Variants in NXPE2 observed in about 807,000 individuals in gnomAD.
NXPE2 encodes neurexophilin and PC-esterase domain family member 2.
In NXPE2, 34 loss-of-function variants were observed where a neutral mutation model predicts 34.4. The ratio of observed to expected loss-of-function variants is 0.99; its 90% CI spans 0.75 to 1.31. The LOEUF (loss-of-function observed/expected upper bound fraction) is 1.31, where lower values mean the gene tolerates loss of function less well. NXPE2 is among the 40% of genes most tolerant of loss of function. NXPE2 has a pLI of 0.00. For missense variants in NXPE2, 649 were observed against 672.5 expected (o/e 0.97, Z 0.39); for synonymous variants, 235 against 231.3 (o/e 1.02, Z -0.15).
At chr11:114,486,190 T>G in the NXPE2 span, among the ~76,000 whole-genome samples, 2 of 152,208 alleles carry the variant, frequency 1.3e-5, no homozygotes, top group African/African-American at 4.8e-5. Context: ...GCCATTTTAT[T>G]ATAACTGGGG....
chr11:114,583,043 C>A, the NXPE2 span: 1 of 1,585,260 alleles, frequency 6.3e-7, no homozygotes, highest in South Asian at 1.1e-5. Flanking sequence ...GCAAATGTGA[C>A]ATGAGATGGA....
At chr11:114,717,323 G>A in the NXPE2 span, among the ~76,000 whole-genome samples, 1 of 152,176 alleles carries the variant, frequency 6.6e-6, no homozygotes, top group African/African-American at 2.4e-5. Flanking sequence ...GCATCTGCCA[G>A]TTTTTGTTGT....
chr11:114,585,537 G>A, the NXPE2 span, among the ~76,000 whole-genome samples: 1 of 151,864 alleles, frequency 6.6e-6, no homozygotes, highest in Non-Finnish European at 1.5e-5. Flanking sequence ...GAAAAAGAAG[G>A]TCATTATGTA....
the NXPE2 span, among the ~76,000 whole-genome samples, chr11:114,740,598 G>A: frequency 6.6e-6 from 1 of 151,866 alleles, no homozygotes; most frequent in East Asian, 1.9e-4. Flanking sequence ...AATGTATAAG[G>A]GTTTCCATTT....
the NXPE2 span, chr11:114,522,527 T>A: frequency 5.9e-6 from 9 of 1,528,294 alleles, no homozygotes; most frequent in East Asian, 2.0e-4. Context: ...AAATAGATGT[T>A]TTAAATAGAA....
chr11:114,558,334 A>G, the NXPE2 span, among the ~76,000 whole-genome samples: 3 of 152,138 alleles, frequency 2.0e-5, no homozygotes, highest in Non-Finnish European at 4.4e-5. Flanking sequence ...GTGCTTTTAT[A>G]TAGGCACACA....
chr11:114,628,755 C>G, the NXPE2 span, among the ~76,000 whole-genome samples: 1 of 150,990 alleles, frequency 6.6e-6, no homozygotes, highest in Admixed American at 6.6e-5. Flanking sequence ...AAAGGATCAA[C>G]AAAATTGATA....
rs1395197610 is a variant in NXPE2 at position 114,703,878 on chromosome 11, A to G, written c.867-113A>G. The G allele has an allele frequency of 2.1e-5, 16 of 761,820 alleles. No individual in the cohort carries two copies. The Admixed American group carries it at 2.3e-4, about 11-fold the overall frequency. The allele number at this position is 761,820 out of a possible 1,614,324, so 47.2% of individuals were successfully genotyped here. On this transcript the variant is annotated intron_variant, in intron 3 of 5. Transcript: ENST00000389586. ...TCCCCAGGATATCTTAAATATATCA[A>G]AATAAGGGGGGAAAGGCATTTGGAG...
At chr11:114,522,478 T>C in the NXPE2 span, 1 of 1,603,076 alleles carries the variant, frequency 6.2e-7, no homozygotes, top group Non-Finnish European at 8.5e-7. Flanking sequence ...AGATTCCAGT[T>C]TCATGAAGAT....
chr11:114,739,371 CCTCA>C, the NXPE2 span, among the ~76,000 whole-genome samples: 11,714 of 62,142 alleles, frequency 0.19, 1,791 homozygotes, highest in African/African-American at 0.27. Context: ...TCCCTCCCTC[CCTCA>C]CTCACTCCTT....
the NXPE2 span, among the ~76,000 whole-genome samples, chr11:114,752,006 G>A: frequency 1.3e-5 from 2 of 152,226 alleles, no homozygotes; most frequent in Non-Finnish European, 2.9e-5. Context: ...CAATAGCCCT[G>A]CTGACATTTT....
chr11:114,585,777 G>C, the NXPE2 span, among the ~76,000 whole-genome samples: 43 of 152,134 alleles, frequency 2.8e-4, no homozygotes, highest in African/African-American at 9.6e-4. Flanking sequence ...TTCTAACAAA[G>C]AGCAGCCTGA....
At chr11:114,587,257 T>C in the NXPE2 span, among the ~76,000 whole-genome samples, 3 of 152,234 alleles carry the variant, frequency 2.0e-5, no homozygotes, top group Admixed American at 2.0e-4. Context: ...AACAACCATT[T>C]GGTTCCTACG....
intron 2 of NXPE2, among the ~76,000 whole-genome samples, chr11:114,690,351 T>G (rs1477978118): frequency 7.2e-5 from 11 of 152,222 alleles, no homozygotes; most frequent in Non-Finnish European, 5.9e-5. Flanking sequence ...CCTTCATTTA[T>G]GAAGCTTAGT....
At chr11:114,751,346 C>T in the NXPE2 span, among the ~76,000 whole-genome samples, 1 of 152,044 alleles carries the variant, frequency 6.6e-6, no homozygotes, top group Admixed American at 6.6e-5. Context: ...CTCATTCCAC[C>T]ATGTTATTAT....
chr11:114,793,226 G>C, the NXPE2 span, among the ~76,000 whole-genome samples: 1 of 152,124 alleles, frequency 6.6e-6, no homozygotes, highest in Non-Finnish European at 1.5e-5. Flanking sequence ...GACGATAGCT[G>C]ATTGCTTCAA....
the NXPE2 span, chr11:114,526,654 C>T: frequency 1.3e-5 from 2 of 152,174 alleles, no homozygotes; most frequent in East Asian, 1.9e-4. Flanking sequence ...ACAATATGCT[C>T]ACCCCATTGG....
the NXPE2 span, among the ~76,000 whole-genome samples, chr11:114,611,014 C>T: frequency 4.0e-5 from 6 of 151,646 alleles, no homozygotes; most frequent in East Asian, 1.9e-4. Context: ...AATGTTGCCT[C>T]GTGGGTCACA....
chr11:114,521,855 A>T, the NXPE2 span: 1 of 824,138 alleles, frequency 1.2e-6, no homozygotes. Flanking sequence ...CCCCAAACAG[A>T]TTCTTTTAAA....
Sources: allele counts gnomAD v4.1 joint callset (sites outside exome capture counted in the v4.1 genomes callset), GRCh38; gene constraint gnomAD v4.1.1; transcripts MANE v1.5; gene names NCBI Gene and HGNC (gene_info 2026-07-23, HGNC 2026-07-21).